The following ASIC2 variants were observed in gnomAD, a reference collection of about 807,000 sequenced individuals.
The protein encoded by ASIC2 is acid-sensing ion channel 2.
Under a neutral mutation model 57.3 loss-of-function variants are expected in ASIC2, and 25 were observed. The ratio of observed to expected loss-of-function variants is 0.44; its 90% CI spans 0.32 to 0.61. The LOEUF is 0.61. Among genes scored for constraint, ASIC2 ranks in the 20% least tolerant of loss-of-function variants. The pLI is 0.06. For synonymous variants in ASIC2, 319 were observed against 307.5 expected (o/e 1.04, Z -0.39); for missense variants, 641 against 738.1 (o/e 0.87, Z 1.52).
At position 33,125,458 on chromosome 17, in the gene ASIC2, T is replaced by C. The variant is rs539030994; in HGVS notation, c.709-13391A>G. Among the ~76,000 whole-genome samples, 192 of 152,288 alleles carry C rather than the reference T, an allele frequency of 1.3e-3. 1 individual carries two copies. Among genetic ancestry groups the C allele is most frequent in the African/African-American group, 4.5e-3 (187 of 41,558 alleles). On this transcript the variant is annotated intron_variant, in intron 1 of 9. Coordinates refer to ENST00000225823, the MANE Select transcript of ASIC2 (RefSeq NM_183377.2). ...ACAGTTCCTTGAATTATGAACTAAA[T>C]ATCAAAGGACCTAAGATGATTAGAG... is the stretch of plus-strand genomic sequence containing the variant.
At chr17:34,075,147 G>A (rs1003042684) in intron 1 of ASIC2, among the ~76,000 whole-genome samples, 6 of 151,472 alleles carry the variant, frequency 4.0e-5, no homozygotes, top group African/African-American at 1.5e-4. Flanking sequence ...TTGTGAGAGA[G>A]GAGAAGTCAG....
At chr17:33,578,520 G>A (rs1013195821) in intron 1 of ASIC2, among the ~76,000 whole-genome samples, 1 of 152,136 alleles carries the variant, frequency 6.6e-6, no homozygotes, top group Non-Finnish European at 1.5e-5. Context: ...GAAGAATAAA[G>A]GGACATAGAC....
At chr17:34,033,800 C>A (rs1286452406) in intron 1 of ASIC2, among the ~76,000 whole-genome samples, 1 of 152,236 alleles carries the variant, frequency 6.6e-6, no homozygotes, top group East Asian at 1.9e-4. Flanking sequence ...TACATCCTCC[C>A]AAGACTAAAC....
chr17:33,403,614 G>T (rs1214564260), intron 1 of ASIC2, among the ~76,000 whole-genome samples: 1 of 152,210 alleles, frequency 6.6e-6, no homozygotes, highest in Non-Finnish European at 1.5e-5. Context: ...CTGAGTAAGT[G>T]AAAATAATCG....
intron 1 of ASIC2, among the ~76,000 whole-genome samples, chr17:34,088,080 T>G (rs567733702): frequency 6.6e-6 from 1 of 152,392 alleles, no homozygotes; most frequent in African/African-American, 2.4e-5. Flanking sequence ...CCATTGCTGG[T>G]GAGGAACTGC....
chr17:33,766,422 C>G (rs145593116), intron 1 of ASIC2, among the ~76,000 whole-genome samples: 354 of 152,276 alleles, frequency 2.3e-3, no homozygotes, highest in African/African-American at 8.0e-3. Context: ...TTCCTTGAAG[C>G]CTCTCTGCTA....
intron 1 of ASIC2, among the ~76,000 whole-genome samples, chr17:33,747,364 C>G (rs139103339): frequency 0.019 from 2,813 of 151,858 alleles, 86 homozygotes; most frequent in African/African-American, 0.065. Context: ...GCTGGGACTA[C>G]AGGCATGCAC....
intron 1 of ASIC2, among the ~76,000 whole-genome samples, chr17:33,235,219 C>A (rs1908247286): frequency 1.3e-5 from 2 of 152,176 alleles, no homozygotes; most frequent in South Asian, 4.1e-4. Context: ...AAAAGCAAAA[C>A]CAAACTAGGT....
intron 1 of ASIC2, among the ~76,000 whole-genome samples, chr17:33,567,341 G>A (rs1007704930): frequency 3.3e-5 from 5 of 151,952 alleles, no homozygotes; most frequent in African/African-American, 9.7e-5. Flanking sequence ...GGAGTGTAGA[G>A]AGTGAAGGTG....
intron 1 of ASIC2, among the ~76,000 whole-genome samples, chr17:33,902,221 C>T (rs1215660656): frequency 6.6e-6 from 1 of 152,114 alleles, no homozygotes; most frequent in East Asian, 1.9e-4. Context: ...TATCTTATTC[C>T]TTCAGCCCTA....
rs779397520 is a variant in ASIC2, at chr17:33,025,915, T to C, written c.1195+11A>G. 1 of 1,608,218 alleles carries C rather than the reference T, an allele frequency of 6.2e-7. No individual in the cohort carries two copies. The highest frequency in any genetic ancestry group is 1.3e-5 in the African/African-American group (1 of 74,556). On this transcript the variant is annotated intron_variant, in intron 5 of 9. Transcript: ENST00000225823. The stretch of plus-strand genomic sequence containing the variant: ...GGCCCCCATGATTCCATCTGTCCCC[T>C]GAGTACTGACCTAGGGCAGGCTCTG...
At chr17:33,478,876 C>G (rs1332626827) in intron 1 of ASIC2, among the ~76,000 whole-genome samples, 1 of 152,144 alleles carries the variant, frequency 6.6e-6, no homozygotes, top group Non-Finnish European at 1.5e-5. Flanking sequence ...AAGTTATTCT[C>G]GAACCACTAA....
chr17:33,319,306 T>C (rs1291160071), intron 1 of ASIC2, among the ~76,000 whole-genome samples: 1 of 152,014 alleles, frequency 6.6e-6, no homozygotes, highest in African/African-American at 2.4e-5. Flanking sequence ...ACTGAGGGAG[T>C]GGCTCTTCCT....
intron 1 of ASIC2, among the ~76,000 whole-genome samples, chr17:34,023,211 C>A (rs1019767476): frequency 1.3e-5 from 2 of 152,092 alleles, no homozygotes; most frequent in Non-Finnish European, 2.9e-5. Flanking sequence ...CTCCTCATCC[C>A]AAAGTTTATC....
chr17:33,888,496 G>T (rs193089344), intron 1 of ASIC2, among the ~76,000 whole-genome samples: 1 of 152,068 alleles, frequency 6.6e-6, no homozygotes, highest in East Asian at 1.9e-4. Context: ...CAAGGCTGGG[G>T]ACTCCCAGCA....
intron 1 of ASIC2, among the ~76,000 whole-genome samples, chr17:33,463,935 A>G (rs1295263187): frequency 6.6e-6 from 1 of 152,234 alleles, no homozygotes. Context: ...GGTTTGTAAC[A>G]TGAATGAATC....
chr17:33,835,693 A>G (rs545157534), intron 1 of ASIC2, among the ~76,000 whole-genome samples: 3 of 152,344 alleles, frequency 2.0e-5, no homozygotes, highest in African/African-American at 7.2e-5. Context: ...CCTGACTTCT[A>G]TCACATCATA....
At chr17:33,119,146 T>C (rs1285924907) in intron 1 of ASIC2, among the ~76,000 whole-genome samples, 1 of 152,222 alleles carries the variant, frequency 6.6e-6, no homozygotes. Flanking sequence ...CAGCTGGTCC[T>C]GCAAGCATCA....
chr17:34,066,779 G>A (rs1909187821), intron 1 of ASIC2, among the ~76,000 whole-genome samples: 1 of 152,156 alleles, frequency 6.6e-6, no homozygotes, highest in Non-Finnish European at 1.5e-5. Context: ...GGACTGCTTT[G>A]GGTGGTTGGG....
Sources: gnomAD v4.1 joint callset for allele counts (sites outside exome capture counted in the v4.1 genomes callset) on GRCh38, gnomAD v4.1.1 for gene constraint, MANE v1.5 for transcripts, NCBI Gene and HGNC (gene_info 2026-07-23, HGNC 2026-07-21) for gene names.